Variants in SERINC4 observed in about 807,000 individuals in gnomAD.
The protein encoded by SERINC4 is serine incorporator 4.
A neutral mutation model predicts 52.0 loss-of-function variants in SERINC4; 52 were observed. The ratio of observed to expected loss-of-function variants is 1.00; its 90% CI spans 0.80 to 1.26. The LOEUF (loss-of-function observed/expected upper bound fraction) is 1.26. SERINC4 is among the 50% of genes most tolerant of loss of function. SERINC4 has a pLI of 0.00. For synonymous variants in SERINC4, 264 were observed against 247.7 expected (o/e 1.07, Z -0.62); for missense variants, 723 against 632.8 (o/e 1.14, Z -1.53).
chr15:43,799,069 A>C lies in SERINC4; in HGVS notation c.348T>G (p.Ser116=). ...GLSDCPVLSG[S]GAVYRVCAGT... is the part of the protein sequence containing the mutation. ...CTGCACATACTCGGTACACAGCCCC[A>C]GAGCCACTGAGCACTGGACAGTCAG... is the stretch of plus-strand genomic sequence containing the variant. Residue 116 remains serine, a synonymous_variant, in exon 3 of 12, where the codon TCT becomes TCG. Transcript: ENST00000319327. 1 of 1,550,558 alleles carries C rather than the reference A, an allele frequency of 6.4e-7. No individual in the cohort carries two copies. The highest frequency in any genetic ancestry group is 8.7e-7 in the Non-Finnish European group (1 of 1,146,984).
chr15:43,795,850 G>T, intron 9 of SERINC4, 114 bp from the exon 10 acceptor site: 1 of 1,069,370 alleles, frequency 9.4e-7, no homozygotes. Flanking sequence ...GGCACACCTG[G>T]GTTCAAATTC....
Position 43,800,123 on chromosome 15 carries a change from A to G in SERINC4, c.-137T>C, listed in dbSNP as rs180766290. 3 of 643,846 alleles carry G rather than the reference A, an allele frequency of 4.7e-6. No homozygotes were observed. The highest frequency in any genetic ancestry group is 2.6e-6 in the Non-Finnish European group (1 of 381,002). 39.9% of individuals were successfully genotyped at this position (643,846 alleles called of 1,614,324 possible). On this transcript the variant is annotated 5_prime_UTR_variant, in exon 1 of 12. Coordinates refer to ENST00000319327, the MANE Select transcript of SERINC4 (RefSeq NM_001258031.2). The stretch of plus-strand genomic sequence containing the variant: ...TCCCGGGCAGAATGGAGACGTCCGG[A>G]AGAGAACACTGACCTCCAGGTTGCG...
chr15:43,798,360 T>A (rs1180694060), intron 4 of SERINC4, 65 bp downstream of exon 4: 2 of 1,269,782 alleles, frequency 1.6e-6, no homozygotes, highest in Admixed American at 1.7e-5. Context: ...TTACTCCTCT[T>A]CTTACCCACT....
At chr15:43,797,047 G>C (rs1436015376) in intron 6 of SERINC4, 98 bp downstream of exon 6, 5 of 1,456,938 alleles carry the variant, frequency 3.4e-6, no homozygotes, top group Non-Finnish European at 4.8e-6. Context: ...TAGGGAAGCA[G>C]AGATTCTTTT....
intron 9 of SERINC4, 90 bp from the exon 10 acceptor site, chr15:43,795,826 T>C (rs2087202433): frequency 7.3e-7 from 1 of 1,376,480 alleles, no homozygotes; most frequent in East Asian, 2.3e-5. Flanking sequence ...ATTGGTCTAG[T>C]ATTAAAAAGT....
At chr15:43,799,544 G>A (rs1184723906) in intron 1 of SERINC4, 58 bp from the exon 2 acceptor site, 1 of 1,535,526 alleles carries the variant, frequency 6.5e-7, no homozygotes, top group Admixed American at 2.0e-5. Context: ...AAAGGCATAC[G>A]TTAATGTATG....
chr15:43,798,873 A>C, intron 3 of SERINC4, 86 bp downstream of exon 3: 2 of 1,319,984 alleles, frequency 1.5e-6, no homozygotes, highest in Non-Finnish European at 2.1e-6. Flanking sequence ...TTACAGTGCT[A>C]TTACTTCATC....
intron 3 of SERINC4, 151 bp from the exon 4 acceptor site, chr15:43,798,655 G>T: frequency 4.5e-6 from 3 of 664,346 alleles, no homozygotes; most frequent in Non-Finnish European, 8.0e-6. Context: ...ATGAGAGGGG[G>T]TTGGGACAGG....
chr15:43,795,281 C>T (rs2087181750), intron 11 of SERINC4, 68 bp from the exon 12 acceptor site: 2 of 1,591,740 alleles, frequency 1.3e-6, no homozygotes, highest in African/African-American at 1.3e-5. Context: ...TCTACCTCCT[C>T]ACCAAATATA....
chr15:43,798,864 T>C lies in SERINC4; in HGVS notation c.458+95A>G, dbSNP rs1281228717. ...GACTTAAACCTGTTTTCTGTCTTTT[T>C]ACAGTGCTATTACTTCATCCCGGAA... On this transcript the variant is annotated intron_variant, in intron 3 of 11. Coordinates refer to ENST00000319327, the MANE Select transcript of SERINC4 (RefSeq NM_001258031.2). The C allele has an allele frequency of 2.4e-6, 3 of 1,255,664 alleles. No individual in the cohort carries two copies. In the Admixed American group the frequency reaches 6.1e-5, roughly 26 times the overall value. The allele number at this position is 1,255,664 out of a possible 1,614,324, so 77.8% of individuals were successfully genotyped here. A position where few individuals can be genotyped will look rare whatever the true frequency, so the allele number is the denominator to read the frequency against.
chr15:43,797,877 G>C, intron 5 of SERINC4, 43 bp downstream of exon 5: 1 of 1,450,844 alleles, frequency 6.9e-7, no homozygotes, highest in Non-Finnish European at 9.7e-7. Context: ...AGTAATACTA[G>C]AAACCTCCCC....
In SERINC4 at chr15:43,799,456, T is replaced by G. The variant is rs752457909; in HGVS notation, c.133A>C (p.Ser45Arg). The G allele has an allele frequency of 3.6e-5, 56 of 1,550,560 alleles. No individual in the cohort carries two copies. The highest frequency in any genetic ancestry group is 4.6e-5 in the Non-Finnish European group (53 of 1,147,016). ...GAGGGCCACCTAGAGTGGCAGCAGC[T>G]GGCACAAGGAGCAGGCCCACAGCAG... Reference protein sequence around the residue: ...VCCCGPAPCASCCHSRWPSLT... With the variant: ...VCCCGPAPCARCCHSRWPSLT... Residue 45 changes from serine (S) to arginine (R), a missense_variant, in exon 2 of 12, where the codon AGC (serine) becomes CGC (arginine). Ser to Arg is a moderately radical substitution (Grantham distance 110). Coordinates refer to ENST00000319327, the MANE Select transcript of SERINC4 (RefSeq NM_001258031.2).
chr15:43,799,070 G>C lies in SERINC4; in HGVS notation c.347C>G (p.Ser116Cys). 6.4e-7 allele frequency: 1 copy of C among 1,550,514 alleles called. No homozygotes were observed. Among genetic ancestry groups the C allele is most frequent in the East Asian group, 2.4e-5 (1 of 40,922 alleles). ...TGCACATACTCGGTACACAGCCCCAGAGCCACTGAGCACTGGACAGTCAGA... is the reference window on the plus strand; with the variant it reads ...TGCACATACTCGGTACACAGCCCCACAGCCACTGAGCACTGGACAGTCAGA... ...GLSDCPVLSG[S>C]GAVYRVCAGT... Residue 116 changes from serine (S) to cysteine (C), a missense_variant, in exon 3 of 12, where the codon TCT becomes TGT. Ser to Cys is a moderately radical substitution (Grantham distance 112). Coordinates refer to ENST00000319327, the MANE Select transcript of SERINC4 (RefSeq NM_001258031.2).
Position 43,797,186 on chromosome 15 carries a change from C to A in SERINC4, c.803G>T (p.Gly268Val). 6.4e-7 allele frequency: 1 copy of A among 1,551,094 alleles called. No homozygotes were observed. The highest frequency in any genetic ancestry group is 8.7e-7 in the Non-Finnish European group (1 of 1,147,038). ...AGCGATGGAGAGGAAGGAGATGAGG[C>A]CACAGAAGCAAAGGTGCAGACTGAG... ...MLLSLHLCFC[G>V]LISFLSIAPC... Residue 268 changes from glycine to valine, a missense_variant, in exon 6 of 12, where the codon GGC becomes GTC. Gly to Val is a moderately radical substitution (Grantham distance 109, BLOSUM62 -3). Coordinates refer to ENST00000319327, the MANE Select transcript of SERINC4 (RefSeq NM_001258031.2).
Position 43,799,827 on chromosome 15 carries a change from T to C in SERINC4, c.102+58A>G, listed in dbSNP as rs1018711881. ...GAGAAAAGAGGCCTGTCGTTTTTAT[T>C]GGCTTCTGCACGTCTTCCTCCCCAG... On this transcript the variant is annotated intron_variant, in intron 1 of 11. Coordinates refer to ENST00000319327, the MANE Select transcript of SERINC4 (RefSeq NM_001258031.2). 3.3e-5 allele frequency: 43 copies of C among 1,301,856 alleles called. No individual in the cohort carries two copies. In the East Asian group the frequency reaches 1.0e-3, roughly 31 times the overall value. 80.6% of individuals were successfully genotyped at this position (1,301,856 alleles called of 1,614,324 possible). A position where few individuals can be genotyped will look rare whatever the true frequency, so the allele number is the denominator to read the frequency against.
At chr15:43,797,413 T>C (rs1466799814) in intron 5 of SERINC4, 57 bp from the exon 6 acceptor site, 7 of 1,310,860 alleles carry the variant, frequency 5.3e-6, no homozygotes, top group South Asian at 1.3e-5. Flanking sequence ...TTTTTTTGAG[T>C]TGGGAGTCTT....
At position 43,794,955 on chromosome 15, in the gene SERINC4, C is replaced by T. The variant is rs746466410; in HGVS notation, c.*45G>A. 6.0e-5 allele frequency: 90 copies of T among 1,506,760 alleles called. No individual in the cohort carries two copies. The highest frequency in any genetic ancestry group is 4.5e-6 in the Non-Finnish European group (5 of 1,103,770). The allele number at this position is 1,506,760 out of a possible 1,614,324, so 93.3% of individuals were successfully genotyped here. On this transcript the variant is annotated 3_prime_UTR_variant, in exon 12 of 12. Transcript: ENST00000319327. ...GGCTGGACAGCTCCCCTTGAGCCAA[C>T]TCTAGGAGTACAATGTCAGGGGAAC...
chr15:43,798,701 T>C lies in SERINC4; in HGVS notation c.459-197A>G, dbSNP rs2087259477. ...CTTATTCCAAATTCTAACTCAAAGA[T>C]ACTTAATAGCATCTGGGCAATGTTT... On this transcript the variant is annotated intron_variant, in intron 3 of 11. Transcript: ENST00000319327. 1.8e-5 allele frequency: 11 copies of C among 625,220 alleles called. No individual in the cohort carries two copies. In the South Asian group the frequency reaches 2.0e-4, roughly 11 times the overall value. 38.7% of individuals were successfully genotyped at this position (625,220 alleles called of 1,614,324 possible).
intron 1 of SERINC4, 132 bp from the exon 2 acceptor site, chr15:43,799,618 G>A (rs2141696799): frequency 8.4e-7 from 1 of 1,188,010 alleles, no homozygotes; most frequent in Non-Finnish European, 1.2e-6. Flanking sequence ...CTTTTACTCA[G>A]GTTCTGTTTC....
Sources: gnomAD v4.1 joint callset for allele counts on GRCh38, gnomAD v4.1.1 for gene constraint, MANE v1.5 for transcripts, NCBI Gene and HGNC (gene_info 2026-07-23, HGNC 2026-07-21) for gene names.